The following KCNIP4 variants were observed in gnomAD, a reference collection of about 807,000 sequenced individuals.
The protein encoded by KCNIP4 is Kv channel-interacting protein 4.
Under a neutral mutation model 34.0 loss-of-function variants are expected in KCNIP4, and 12 were observed. The observed-to-expected ratio is 0.35, with a 90% CI of 0.23 to 0.57. The LOEUF is 0.57. Ranked by LOEUF, KCNIP4 falls within the 20% of genes least tolerant of loss-of-function variation. KCNIP4 has a pLI of 0.83. For missense variants in KCNIP4, 238 were observed against 311.7 expected (o/e 0.76, Z 1.78); for synonymous variants, 124 against 102.2 (o/e 1.21, Z -1.29).
At chr4:21,747,888 T>C (rs768200584) in intron 1 of KCNIP4, among the ~76,000 whole-genome samples, 13 of 152,000 alleles carry the variant, frequency 8.6e-5, no homozygotes, top group Admixed American at 3.9e-4. Context: ...GAAAGTGTTT[T>C]TACAAGACGC....
intron 1 of KCNIP4, among the ~76,000 whole-genome samples, chr4:21,540,268 C>T (rs1737570218): frequency 6.6e-6 from 1 of 152,070 alleles, no homozygotes; most frequent in Non-Finnish European, 1.5e-5. Context: ...AGTCATATTG[C>T]CAAATATTTA....
At chr4:20,802,915 A>C (rs1714528140) in intron 3 of KCNIP4, among the ~76,000 whole-genome samples, 1 of 151,954 alleles carries the variant, frequency 6.6e-6, no homozygotes, top group South Asian at 2.1e-4. Flanking sequence ...CTCTACTAAA[A>C]ATACAAAAAA....
chr4:21,224,583 T>TTG (rs1413712732), intron 1 of KCNIP4, among the ~76,000 whole-genome samples: 5 of 129,978 alleles, frequency 3.8e-5, no homozygotes, highest in African/African-American at 1.5e-4. Flanking sequence ...CAACTGTTTT[T>TTG]TTTTTTTTTT....
intron 1 of KCNIP4, among the ~76,000 whole-genome samples, chr4:21,922,435 A>G (rs961965893): frequency 1.3e-5 from 2 of 152,228 alleles, no homozygotes; most frequent in Non-Finnish European, 2.9e-5. Flanking sequence ...CTTACGCATT[A>G]GGGAACCCCT....
At chr4:20,932,951 A>C (rs1730638316) in intron 1 of KCNIP4, among the ~76,000 whole-genome samples, 1 of 152,152 alleles carries the variant, frequency 6.6e-6, no homozygotes, top group Non-Finnish European at 1.5e-5. Flanking sequence ...GTTTATAAAA[A>C]TGCAGAGTAG....
intron 1 of KCNIP4, among the ~76,000 whole-genome samples, chr4:21,617,185 C>T (rs10516394): frequency 0.15 from 23,039 of 152,018 alleles, 2,055 homozygotes; most frequent in South Asian, 0.21. Flanking sequence ...CTTCTTTCAC[C>T]ATGGTTTTAC....
intron 1 of KCNIP4, among the ~76,000 whole-genome samples, chr4:21,015,600 G>A (rs1377142041): frequency 8.5e-6 from 1 of 118,074 alleles, no homozygotes; most frequent in African/African-American, 3.6e-5. Flanking sequence ...ATAGTATATT[G>A]TATTAATATA....
chr4:21,490,885 T>C (rs969071478), intron 1 of KCNIP4, among the ~76,000 whole-genome samples: 2 of 152,082 alleles, frequency 1.3e-5, no homozygotes, highest in African/African-American at 4.8e-5. Flanking sequence ...TTGCTTAACT[T>C]GGAATTTAAG....
At chr4:20,771,231 C>G (rs1285757512) in intron 3 of KCNIP4, among the ~76,000 whole-genome samples, 2 of 151,968 alleles carry the variant, frequency 1.3e-5, no homozygotes, top group African/African-American at 4.8e-5. Flanking sequence ...TTGTATAAAG[C>G]CTTTTTATTC....
At chr4:21,156,291 GA>G (rs1753141694) in intron 1 of KCNIP4, among the ~76,000 whole-genome samples, 1 of 152,132 alleles carries the variant, frequency 6.6e-6, no homozygotes, top group Non-Finnish European at 1.5e-5. Flanking sequence ...CCATTTTGGT[GA>G]ATGCTCATGA....
intron 1 of KCNIP4, among the ~76,000 whole-genome samples, chr4:21,051,398 C>A (rs1742915378): frequency 6.7e-6 from 1 of 148,186 alleles, no homozygotes; most frequent in Non-Finnish European, 1.5e-5. Context: ...TCATTATTGA[C>A]AGATGATTTC....
At chr4:21,732,828 A>C (rs945830810) in intron 1 of KCNIP4, among the ~76,000 whole-genome samples, 12 of 152,180 alleles carry the variant, frequency 7.9e-5, no homozygotes, top group African/African-American at 2.9e-4. Flanking sequence ...AAATCATATA[A>C]AGGTAAATGA....
intron 3 of KCNIP4, among the ~76,000 whole-genome samples, chr4:20,765,693 T>C (rs1027572637): frequency 5.3e-5 from 8 of 152,212 alleles, no homozygotes; most frequent in South Asian, 2.1e-4. Flanking sequence ...GGTATACTTA[T>C]CTATGATGAC....
At chr4:21,912,926 A>G (rs1728420482) in intron 1 of KCNIP4, among the ~76,000 whole-genome samples, 1 of 151,868 alleles carries the variant, frequency 6.6e-6, no homozygotes. Flanking sequence ...ACATATTTTT[A>G]AAATTCCCCT....
intron 2 of KCNIP4, 97 bp downstream of exon 2, chr4:20,882,509 GAA>G: frequency 1.2e-6 from 1 of 803,726 alleles, no homozygotes; most frequent in East Asian, 2.6e-5. Flanking sequence ...TGCTTTTGTA[GAA>G]TATACTGATT....
At chr4:21,174,457 G>A (rs900605295) in intron 1 of KCNIP4, among the ~76,000 whole-genome samples, 16 of 152,152 alleles carry the variant, frequency 1.1e-4, no homozygotes, top group Non-Finnish European at 2.2e-4. Context: ...AAATAATGCA[G>A]ATTCTTGACA....
chr4:21,014,673 T>C (rs928598503), intron 1 of KCNIP4, among the ~76,000 whole-genome samples: 5 of 152,172 alleles, frequency 3.3e-5, no homozygotes, highest in African/African-American at 1.2e-4. Flanking sequence ...GGTTGAAATG[T>C]AAAGTGGTGC....
chr4:21,810,472 C>T (rs960000212), intron 1 of KCNIP4, among the ~76,000 whole-genome samples: 3 of 151,940 alleles, frequency 2.0e-5, no homozygotes, highest in African/African-American at 2.4e-5. Context: ...GGGTGGATCA[C>T]GAGGTCAGGA....
chr4:21,866,238 G>A lies in KCNIP4; in HGVS notation c.61+82333C>T, dbSNP rs184743411. ...CACTGAGACTTTGCACATCTTCTCT[G>A]GATTCAGGCAAATCACAGCAAGTCT... On this transcript the variant is annotated intron_variant, in intron 1 of 8. Coordinates refer to ENST00000382152, the MANE Select transcript of KCNIP4 (RefSeq NM_025221.6). Among the ~76,000 whole-genome samples, 9 of 152,128 alleles carry A rather than the reference G, an allele frequency of 5.9e-5. No homozygotes were observed. In the East Asian group the frequency reaches 1.7e-3, roughly 29 times the overall value.
Sources: allele counts gnomAD v4.1 joint callset (sites outside exome capture counted in the v4.1 genomes callset), GRCh38; gene constraint gnomAD v4.1.1; transcripts MANE v1.5; gene names NCBI Gene and HGNC (gene_info 2026-07-23, HGNC 2026-07-21).